Variants in FGF18 observed in about 807,000 individuals in gnomAD.
The protein encoded by FGF18 is fibroblast growth factor 18.
A neutral mutation model predicts 23.0 loss-of-function variants in FGF18; 5 were observed. That is an observed-to-expected ratio of 0.22 (90% CI 0.11 to 0.46). FGF18 has a LOEUF of 0.46. Ranked by LOEUF, FGF18 falls within the 20% of genes least tolerant of loss-of-function variation. The pLI, the probability that FGF18 is intolerant of heterozygous loss-of-function variation, is 0.99. For synonymous variants in FGF18, 117 were observed against 118.9 expected (o/e 0.98, Z 0.10); for missense variants, 180 against 291.6 (o/e 0.62, Z 2.79).
At chr5:171,424,472 C>T (rs1317536124) in intron 2 of FGF18, among the ~76,000 whole-genome samples, 1 of 152,208 alleles carries the variant, frequency 6.6e-6, no homozygotes, top group Admixed American at 6.5e-5. Context: ...GATGGAGAAA[C>T]CGAGGCACAG....
chr5:171,449,333 A>ACTGTCAGT, intron 4 of FGF18, 80 bp downstream of exon 4: 3 of 740,488 alleles, frequency 4.1e-6, no homozygotes, highest in Non-Finnish European at 6.9e-6. Context: ...TGTCCAGGGC[A>ACTGTCAGT]CTGTCAGTCC....
intron 2 of FGF18, among the ~76,000 whole-genome samples, chr5:171,433,452 C>T (rs1186537201): frequency 6.6e-6 from 1 of 152,168 alleles, no homozygotes; most frequent in African/African-American, 2.4e-5. Flanking sequence ...CAGGGCCAGC[C>T]ACCTCCGGAA....
chr5:171,433,420 G>A (rs1772207311), intron 2 of FGF18, among the ~76,000 whole-genome samples: 1 of 152,200 alleles, frequency 6.6e-6, no homozygotes, highest in Non-Finnish European at 1.5e-5. Context: ...GGACGCCAGA[G>A]GCCTGCCCTT....
rs527743774 is a variant in FGF18 at position 171,455,516 on chromosome 5, G to A, written c.358-1023G>A. ...CGAACCATCATTGGCCCACATAACC[G>A]TGAGGTAATGTGAGCTTCAGACGTG... is the stretch of plus-strand genomic sequence containing the variant. On this transcript the variant is annotated intron_variant, in intron 4 of 4. Coordinates refer to ENST00000274625, the MANE Select transcript of FGF18 (RefSeq NM_003862.3). Among the ~76,000 whole-genome samples the A allele has an allele frequency of 6.6e-5, 10 of 152,312 alleles. No individual in the cohort carries two copies. In the South Asian group the frequency reaches 1.4e-3, roughly 22 times the overall value.
chr5:171,449,359 C>CAGTGTGTG, intron 4 of FGF18, 106 bp downstream of exon 4: 4 of 246,446 alleles, frequency 1.6e-5, no homozygotes, highest in East Asian at 9.9e-5. Flanking sequence ...GGAAAACAGG[C>CAGTGTGTG]CGTGTGTGTG....
intron 3 of FGF18, among the ~76,000 whole-genome samples, chr5:171,437,568 C>T (rs1015515288): frequency 6.6e-6 from 1 of 152,218 alleles, no homozygotes. Context: ...CTCTCTGTCC[C>T]CCTCCCCACC....
At position 171,439,049 on chromosome 5, in the gene FGF18, G is replaced by A. The variant is rs891307586; in HGVS notation, c.250+2776G>A. Among the ~76,000 whole-genome samples the A allele has an allele frequency of 5.3e-5, 8 of 152,092 alleles. No homozygotes were observed. In the East Asian group the frequency reaches 5.8e-4, roughly 11 times the overall value. On this transcript the variant is annotated intron_variant, in intron 3 of 4. Coordinates refer to ENST00000274625, the MANE Select transcript of FGF18 (RefSeq NM_003862.3). ...CAGCAAACACCATGGATACATCCCCGTAAACACCTGGAATCTGGAATCCCC... is the reference window on the plus strand; with the variant it reads ...CAGCAAACACCATGGATACATCCCCATAAACACCTGGAATCTGGAATCCCC...
chr5:171,447,770 G>T (rs1266602017), intron 3 of FGF18, among the ~76,000 whole-genome samples: 1 of 152,094 alleles, frequency 6.6e-6, no homozygotes, highest in Non-Finnish European at 1.5e-5. Context: ...TATACTCTTT[G>T]TGGCTCCAAG....
At chr5:171,453,611 C>T (rs62383999) in intron 4 of FGF18, among the ~76,000 whole-genome samples, 40,834 of 151,868 alleles carry the variant, frequency 0.27, 5,646 homozygotes, top group East Asian at 0.45. Flanking sequence ...CTCCATGACC[C>T]TGGGCAAGGC....
At chr5:171,441,143 T>G (rs1010963759) in intron 3 of FGF18, among the ~76,000 whole-genome samples, 2 of 152,168 alleles carry the variant, frequency 1.3e-5, no homozygotes, top group Non-Finnish European at 2.9e-5. Context: ...GAGGGAGTCC[T>G]CTCGTCCCCA....
At chr5:171,439,076 C>T (rs999410487) in intron 3 of FGF18, among the ~76,000 whole-genome samples, 5 of 152,218 alleles carry the variant, frequency 3.3e-5, no homozygotes, top group Admixed American at 6.5e-5. Context: ...GGAATCCCCA[C>T]GGACACTCAG....
chr5:171,438,252 C>A (rs1482284873), intron 3 of FGF18, among the ~76,000 whole-genome samples: 1 of 152,014 alleles, frequency 6.6e-6, no homozygotes. Flanking sequence ...CAGGCGCCCA[C>A]CACCACGCCT....
At chr5:171,447,992 G>A (rs903096875) in intron 3 of FGF18, among the ~76,000 whole-genome samples, 1 of 152,198 alleles carries the variant, frequency 6.6e-6, no homozygotes, top group African/African-American at 2.4e-5. Context: ...GACCAGAGAG[G>A]AGAGAGAGCT....
chr5:171,428,757 C>G (rs1772135315), intron 2 of FGF18, among the ~76,000 whole-genome samples: 1 of 152,158 alleles, frequency 6.6e-6, no homozygotes, highest in Non-Finnish European at 1.5e-5. Context: ...TTCTCCCTAC[C>G]CAGGGGCTTT....
Position 171,449,208 on chromosome 5 carries a change from G to T in FGF18, c.312G>T (p.Thr104=). The T allele has an allele frequency of 6.2e-7, 1 of 1,614,100 alleles. No individual in the cohort carries two copies. Among genetic ancestry groups the T allele is most frequent in the Non-Finnish European group, 8.5e-7 (1 of 1,180,000 alleles). The part of the protein sequence containing the change: ...GSQVRIKGKE[T]EFYLCMNRKG... ...AAGTCCGGATCAAGGGCAAGGAGAC[G>T]GAATTCTACCTGTGCATGAACCGCA... is the stretch of plus-strand genomic sequence containing the variant. The change falls in exon 4 of 5, where the codon ACG becomes ACT. Residue 104 remains threonine (T), a synonymous_variant. Coordinates refer to ENST00000274625, the MANE Select transcript of FGF18 (RefSeq NM_003862.3).
intron 2 of FGF18, among the ~76,000 whole-genome samples, chr5:171,422,831 T>C (rs1772035347): frequency 6.6e-6 from 1 of 152,162 alleles, no homozygotes; most frequent in South Asian, 2.1e-4. Flanking sequence ...TCCAGTGGCC[T>C]AGGCCTGAAC....
intron 2 of FGF18, among the ~76,000 whole-genome samples, chr5:171,423,636 C>G (rs1435590822): frequency 6.6e-6 from 1 of 152,170 alleles, no homozygotes; most frequent in Admixed American, 6.5e-5. Context: ...TCCACGCCCC[C>G]TCTCGGCCTG....
At chr5:171,453,136 G>T (rs1014711298) in intron 4 of FGF18, among the ~76,000 whole-genome samples, 1 of 152,176 alleles carries the variant, frequency 6.6e-6, no homozygotes, top group Non-Finnish European at 1.5e-5. Flanking sequence ...AGTTTCCGGG[G>T]GTCGGGCCCA....
Position 171,427,619 on chromosome 5 carries a change from C to A in FGF18, c.69+7176C>A, listed in dbSNP as rs531199521. On this transcript the variant is annotated intron_variant, in intron 2 of 4. Coordinates refer to ENST00000274625, the MANE Select transcript of FGF18 (RefSeq NM_003862.3). ...GTTGGTAGGAGTAATTGATGACTAG[C>A]TATGTAGTAGGCACTCAAATATAGT... Among the ~76,000 whole-genome samples the A allele has an allele frequency of 9.2e-5, 14 of 152,308 alleles. 1 individual carries two copies. The South Asian group carries it at 2.9e-3, about 32-fold the overall frequency.
Sources: allele counts gnomAD v4.1 joint callset (sites outside exome capture counted in the v4.1 genomes callset), GRCh38; gene constraint gnomAD v4.1.1; transcripts MANE v1.5; gene names NCBI Gene and HGNC (gene_info 2026-07-23, HGNC 2026-07-21).